The following PIK3AP1 variants were observed in gnomAD, a reference collection of about 807,000 sequenced individuals.
The protein encoded by PIK3AP1 is phosphoinositide-3-kinase adaptor protein 1, also known as phosphoinositide 3-kinase adapter protein 1.
In PIK3AP1, 21 loss-of-function variants were observed where a neutral mutation model predicts 88.1. The ratio of observed to expected loss-of-function variants is 0.24; its 90% CI spans 0.17 to 0.34. The LOEUF is 0.34. Among genes scored for constraint, PIK3AP1 ranks in the 10% least tolerant of loss-of-function variants. PIK3AP1 has a pLI of 1.00. For synonymous variants in PIK3AP1, 398 were observed against 400.0 expected (o/e 1.00, Z 0.06); for missense variants, 828 against 1,035.7 (o/e 0.80, Z 2.75).
intron 16 of PIK3AP1, among the ~76,000 whole-genome samples, chr10:96,600,724 G>A (rs1463735809): frequency 6.6e-6 from 1 of 152,240 alleles, no homozygotes. Flanking sequence ...TTCCACTGAT[G>A]AGCTTCATCT....
At chr10:96,649,333 C>T (rs1176883978) in intron 6 of PIK3AP1, among the ~76,000 whole-genome samples, 2 of 152,134 alleles carry the variant, frequency 1.3e-5, no homozygotes, top group Non-Finnish European at 2.9e-5. Flanking sequence ...CATGAGCCAC[C>T]ATACCCGGCC....
chr10:96,659,253 A>T (rs768847877), intron 2 of PIK3AP1, among the ~76,000 whole-genome samples: 1 of 152,216 alleles, frequency 6.6e-6, no homozygotes, highest in Non-Finnish European at 1.5e-5. Flanking sequence ...GACTTGAAAC[A>T]TTCAGTTACT....
chr10:96,616,388 T>C (rs547412728), intron 13 of PIK3AP1, among the ~76,000 whole-genome samples: 3 of 152,198 alleles, frequency 2.0e-5, no homozygotes, highest in Non-Finnish European at 2.9e-5. Context: ...GGTGGAAGCA[T>C]GCAGAGTTGA....
At chr10:96,717,378 T>C (rs1425884075) in intron 1 of PIK3AP1, among the ~76,000 whole-genome samples, 1 of 151,722 alleles carries the variant, frequency 6.6e-6, no homozygotes, top group South Asian at 2.1e-4. Context: ...ACCCCATTCA[T>C]CCATCCTGGA....
At position 96,595,240 on chromosome 10, in the gene PIK3AP1, A is replaced by AAATC. The variant is rs1342075357; in HGVS notation, c.*333_*336dup. The AAATC allele has an allele frequency of 1.4e-5, 4 of 293,678 alleles. No individual in the cohort carries two copies. Among genetic ancestry groups the AAATC allele is most frequent in the African/African-American group, 6.6e-5 (3 of 45,510 alleles). 18.2% of individuals were successfully genotyped at this position (293,678 alleles called of 1,614,324 possible). On this transcript the variant is annotated 3_prime_UTR_variant, in exon 17 of 17. Coordinates refer to ENST00000339364, the MANE Select transcript of PIK3AP1 (RefSeq NM_152309.3). ...AGACTAATATAAGTGCATTTCAGTA[A>AAATC]AATCACTGGTGAAGTACATTTATGA...
At chr10:96,704,877 T>A (rs1454012499) in intron 2 of PIK3AP1, among the ~76,000 whole-genome samples, 1 of 152,144 alleles carries the variant, frequency 6.6e-6, no homozygotes, top group Admixed American at 6.5e-5. Flanking sequence ...AAAGAAAGTA[T>A]AATTGACTAC....
At chr10:96,674,141 A>G (rs1843885598) in intron 2 of PIK3AP1, among the ~76,000 whole-genome samples, 1 of 152,248 alleles carries the variant, frequency 6.6e-6, no homozygotes, top group Non-Finnish European at 1.5e-5. Context: ...AATATAGGCC[A>G]AAATTAAAAC....
intron 9 of PIK3AP1, 150 bp downstream of exon 9, chr10:96,628,248 G>A (rs1214671845): frequency 1.8e-5 from 13 of 723,562 alleles, no homozygotes; most frequent in Admixed American, 8.0e-5. Flanking sequence ...TAGAGGGGTC[G>A]GGGGAGGCAG....
chr10:96,597,398 A>G (rs1235403109), intron 16 of PIK3AP1, among the ~76,000 whole-genome samples: 1 of 145,180 alleles, frequency 6.9e-6, no homozygotes, highest in African/African-American at 2.6e-5. Context: ...CTTTCTTTCA[A>G]CAAACACTAA....
chr10:96,704,772 C>A (rs913070929), intron 2 of PIK3AP1, among the ~76,000 whole-genome samples: 2 of 151,862 alleles, frequency 1.3e-5, no homozygotes, highest in Admixed American at 1.3e-4. Flanking sequence ...ATCTTGGCCC[C>A]ACCCAAGGAG....
intron 7 of PIK3AP1, among the ~76,000 whole-genome samples, chr10:96,648,224 C>T (rs922521531): frequency 1.3e-5 from 2 of 152,188 alleles, no homozygotes; most frequent in African/African-American, 2.4e-5. Flanking sequence ...AGGAGCATCC[C>T]ACCATGGTGC....
chr10:96,689,330 C>T (rs549431179), intron 2 of PIK3AP1, among the ~76,000 whole-genome samples: 3 of 151,420 alleles, frequency 2.0e-5, no homozygotes, highest in Non-Finnish European at 2.9e-5. Context: ...TTTGGGAGGC[C>T]GAGGCAGGCG....
At chr10:96,637,307 T>C (rs1331008280) in intron 8 of PIK3AP1, among the ~76,000 whole-genome samples, 1 of 123,902 alleles carries the variant, frequency 8.1e-6, no homozygotes, top group Non-Finnish European at 1.7e-5. Flanking sequence ...GTGGGAGAGA[T>C]ATACAATCAC....
chr10:96,618,674 T>C (rs1292079346), intron 12 of PIK3AP1: 1 of 152,360 alleles, frequency 6.6e-6, no homozygotes, highest in African/African-American at 2.4e-5. Context: ...TACAGTAGCT[T>C]ATATCACCTA....
chr10:96,602,164 T>A lies in PIK3AP1; in HGVS notation c.2360+116A>T, dbSNP rs529179968. 23 of 865,640 alleles carry A rather than the reference T, an allele frequency of 2.7e-5. No homozygotes were observed. The African/African-American group carries it at 3.8e-4, about 14-fold the overall frequency. The allele number at this position is 865,640 out of a possible 1,614,324, so 53.6% of individuals were successfully genotyped here. ...TCCCAAAGTGCTGGGATTACAGGCA[T>A]GAGCCACTGCGCCCAGCTCTGCGCT... On this transcript the variant is annotated intron_variant, in intron 16 of 16. Transcript: ENST00000339364.
In PIK3AP1 at chr10:96,651,319, T is replaced by C. The variant is rs539294987; in HGVS notation, c.917A>G (p.Lys306Arg). The C allele has an allele frequency of 4.3e-6, 7 of 1,614,214 alleles. No individual in the cohort carries two copies. Among genetic ancestry groups the C allele is most frequent in the Middle Eastern group, 1.6e-4 (1 of 6,062 alleles). Reference protein sequence around the residue: ...TLDKLLTESLKNNIPASGLHL... With the variant: ...TLDKLLTESLRNNIPASGLHL... ...CAGTCCGCTTGCAGGGATATTGTTC[T>C]TCAGGGATTCGGTTAGCAGTTTATC... Residue 306 changes from lysine to arginine, a missense_variant, in exon 6 of 17, where the codon AAG becomes AGG. Lys to Arg is a conservative substitution (Grantham distance 26, BLOSUM62 2). This residue lies in a region of PIK3AP1 where 610 missense variants were observed against 760.1 expected (regional missense o/e 0.80). Transcript: ENST00000339364.
intron 8 of PIK3AP1, among the ~76,000 whole-genome samples, chr10:96,644,381 G>A (rs991467629): frequency 3.9e-5 from 6 of 152,158 alleles, no homozygotes; most frequent in African/African-American, 1.2e-4. Context: ...AAGTATGTCT[G>A]TATTTTTAAA....
intron 2 of PIK3AP1, among the ~76,000 whole-genome samples, chr10:96,684,625 C>T (rs781212797): frequency 2.0e-5 from 3 of 152,154 alleles, no homozygotes; most frequent in Non-Finnish European, 4.4e-5. Context: ...CATCCCAGTG[C>T]CTTCAAAGAC....
chr10:96,648,603 G>A lies in PIK3AP1; in HGVS notation c.1185+56C>T, dbSNP rs574578575. On this transcript the variant is annotated intron_variant, in intron 7 of 16. Transcript: ENST00000339364. ...TGTTCGTATTTTGGGTGAAAGGGCA[G>A]CCATACTACCACAGAGTGCATTTCC... is the stretch of plus-strand genomic sequence containing the variant. 14 of 1,520,396 alleles carry A rather than the reference G, an allele frequency of 9.2e-6. No homozygotes were observed. The African/African-American group carries it at 1.7e-4, about 19-fold the overall frequency. The allele number at this position is 1,520,396 out of a possible 1,614,324, so 94.2% of individuals were successfully genotyped here. A position where few individuals can be genotyped will look rare whatever the true frequency, so the allele number is the denominator to read the frequency against.
Sources: allele counts gnomAD v4.1 joint callset (sites outside exome capture counted in the v4.1 genomes callset), GRCh38; gene constraint gnomAD v4.1.1; regional missense constraint gnomAD v4.1.1; transcripts MANE v1.5; gene names NCBI Gene and HGNC (gene_info 2026-07-23, HGNC 2026-07-21).